The following RBFOX1 variants were observed in gnomAD, a reference collection of about 807,000 sequenced individuals.
RBFOX1 encodes RNA binding protein fox-1 homolog 1.
RBFOX1 carries 8 observed loss-of-function variants against 57.7 expected under a neutral mutation model. The ratio of observed to expected loss-of-function variants is 0.14; its 90% CI spans 0.08 to 0.25. The LOEUF (loss-of-function observed/expected upper bound fraction) is 0.25. RBFOX1 is among the 10% of genes least tolerant of loss of function. The pLI, the probability that RBFOX1 is intolerant of heterozygous loss-of-function variation, is 1.00. For synonymous variants in RBFOX1, 326 were observed against 222.4 expected (o/e 1.47, Z -4.15); for missense variants, 611 against 548.5 (o/e 1.11, Z -1.14).
intron 3 of RBFOX1, chr16:5,616,160 C>G (rs1460224977): frequency 6.6e-6 from 1 of 152,540 alleles, no homozygotes; most frequent in African/African-American, 2.4e-5. Flanking sequence ...TTCTTGCTCC[C>G]TCAGGCTGCT....
intron 3 of RBFOX1, among the ~76,000 whole-genome samples, chr16:5,661,099 G>C (rs1482940722): frequency 6.6e-6 from 1 of 152,126 alleles, no homozygotes; most frequent in Non-Finnish European, 1.5e-5. Context: ...CTGAGATTGG[G>C]AAAAGAAAGG....
intron 4 of RBFOX1, among the ~76,000 whole-genome samples, chr16:7,402,506 C>T (rs528970771): frequency 6.6e-6 from 1 of 152,292 alleles, no homozygotes; most frequent in East Asian, 1.9e-4. Flanking sequence ...ATAAAGACTC[C>T]TTGCTGCTGT....
intron 1 of RBFOX1, among the ~76,000 whole-genome samples, chr16:6,098,460 G>T (rs539551298): frequency 6.6e-6 from 1 of 152,136 alleles, no homozygotes; most frequent in South Asian, 2.1e-4. Flanking sequence ...CCCCAGCCTC[G>T]GGAGGCCCAG....
chr16:5,313,161 G>A (rs1410797971), intron 1 of RBFOX1, among the ~76,000 whole-genome samples: 8 of 152,154 alleles, frequency 5.3e-5, no homozygotes, highest in Admixed American at 1.3e-4. Flanking sequence ...AGGAAAGCCC[G>A]GGCAGGGATG....
At chr16:6,153,174 C>G (rs2096811816) in intron 1 of RBFOX1, among the ~76,000 whole-genome samples, 1 of 151,898 alleles carries the variant, frequency 6.6e-6, no homozygotes, top group African/African-American at 2.4e-5. Context: ...GCAGTATACC[C>G]TGAATCCGAT....
chr16:7,274,473 T>G (rs1376493162), intron 4 of RBFOX1, among the ~76,000 whole-genome samples: 1 of 152,070 alleles, frequency 6.6e-6, no homozygotes, highest in Non-Finnish European at 1.5e-5. Context: ...GTCAGTTTCC[T>G]TCTTAGCTTG....
rs112176083 is a variant in RBFOX1 at position 6,031,202 on chromosome 16, G to GGAGAA, written c.-127+11220_-127+11224dup. Among the ~76,000 whole-genome samples, 406 of 152,272 alleles carry GGAGAA rather than the reference G, an allele frequency of 2.7e-3. 5 individuals carry two copies. Among genetic ancestry groups the GGAGAA allele is most frequent in the African/African-American group, 9.5e-3 (396 of 41,560 alleles). On this transcript the variant is annotated intron_variant, in intron 1 of 15. Coordinates refer to ENST00000550418, the MANE Select transcript of RBFOX1 (RefSeq NM_018723.4). The stretch of plus-strand genomic sequence containing the variant: ...AGAAGGGCCAAGCTGTGACCAGTGG[G>GGAGAA]GAGAAGAGAAGAGAGGAGACCATGG...
chr16:5,775,819 C>G (rs1455444101), intron 3 of RBFOX1, among the ~76,000 whole-genome samples: 1 of 152,204 alleles, frequency 6.6e-6, no homozygotes, highest in Non-Finnish European at 1.5e-5. Context: ...AAAATAATTT[C>G]TGACAGTGGA....
At chr16:6,709,619 G>A (rs973967806) in intron 3 of RBFOX1, among the ~76,000 whole-genome samples, 1 of 152,104 alleles carries the variant, frequency 6.6e-6, no homozygotes, top group African/African-American at 2.4e-5. Context: ...CCATAAGATT[G>A]CTCCTGATTC....
chr16:6,736,941 G>A (rs1244870134), intron 3 of RBFOX1, among the ~76,000 whole-genome samples: 1 of 152,178 alleles, frequency 6.6e-6, no homozygotes, highest in Non-Finnish European at 1.5e-5. Flanking sequence ...TGTCTGCTGT[G>A]AAGTTAGCAT....
In RBFOX1 at chr16:7,174,617, C is replaced by G. The variant is rs911341294; in HGVS notation, c.27+122519C>G. ...TGTAGGTGGTGAAACCCCATCTCTA[C>G]TAAAAATACAAAATTAGCCAGGCGT... On this transcript the variant is annotated intron_variant, in intron 4 of 15. Transcript: ENST00000550418. Among the ~76,000 whole-genome samples, 4 of 152,172 alleles carry G rather than the reference C, an allele frequency of 2.6e-5. No homozygotes were observed. In the East Asian group the frequency reaches 7.8e-4, roughly 30 times the overall value.
At chr16:6,687,715 G>A (rs573741460) in intron 3 of RBFOX1, among the ~76,000 whole-genome samples, 2 of 152,204 alleles carry the variant, frequency 1.3e-5, no homozygotes, top group Middle Eastern at 3.4e-3. Context: ...TGCAGCGGCC[G>A]GGGAGGACAG....
chr16:6,906,017 C>G (rs2069798236), intron 3 of RBFOX1, among the ~76,000 whole-genome samples: 1 of 152,192 alleles, frequency 6.6e-6, no homozygotes, highest in African/African-American at 2.4e-5. Context: ...CTGCCTTCCT[C>G]TGGTTGGGCA....
intron 1 of RBFOX1, among the ~76,000 whole-genome samples, chr16:6,037,007 G>T (rs967171010): frequency 1.3e-5 from 2 of 152,106 alleles, no homozygotes; most frequent in Non-Finnish European, 1.5e-5. Flanking sequence ...TGTTGGAGGT[G>T]GGGGGAGACA....
intron 3 of RBFOX1, among the ~76,000 whole-genome samples, chr16:6,866,633 C>A (rs78780129): frequency 0.036 from 5,185 of 144,178 alleles, 229 homozygotes; most frequent in East Asian, 0.21. Context: ...GCTCCGCCTC[C>A]CCGGTTCACG....
intron 3 of RBFOX1, among the ~76,000 whole-genome samples, chr16:6,847,679 T>C (rs1181723378): frequency 6.6e-6 from 1 of 152,172 alleles, no homozygotes; most frequent in African/African-American, 2.4e-5. Context: ...AAGAGGCTGA[T>C]ACGGTTATTT....
intron 3 of RBFOX1, among the ~76,000 whole-genome samples, chr16:6,795,179 A>G (rs1287003421): frequency 6.6e-6 from 1 of 152,164 alleles, no homozygotes; most frequent in African/African-American, 2.4e-5. Context: ...TCATAGTGCT[A>G]ATTCCAAGCT....
intron 1 of RBFOX1, among the ~76,000 whole-genome samples, chr16:6,189,028 A>G (rs1350274484): frequency 6.6e-5 from 10 of 152,234 alleles, no homozygotes; most frequent in South Asian, 4.1e-4. Flanking sequence ...CTAACCCTCT[A>G]TGAACCTGGG....
chr16:6,392,243 C>A (rs1472518758), intron 2 of RBFOX1, among the ~76,000 whole-genome samples: 1 of 152,156 alleles, frequency 6.6e-6, no homozygotes, highest in Non-Finnish European at 1.5e-5. Flanking sequence ...AAGATGTTCT[C>A]CAAGCGTTTT....
Sources: gnomAD v4.1 joint callset for allele counts (sites outside exome capture counted in the v4.1 genomes callset) on GRCh38, gnomAD v4.1.1 for gene constraint, MANE v1.5 for transcripts, NCBI Gene and HGNC (gene_info 2026-07-23, HGNC 2026-07-21) for gene names.